Variants in MFHAS1 observed in about 807,000 individuals in gnomAD.
MFHAS1 encodes multifunctional ROCO family signaling regulator 1.
Under a neutral mutation model 70.4 loss-of-function variants are expected in MFHAS1, and 50 were observed. The ratio of observed to expected loss-of-function variants is 0.71; its 90% confidence interval spans 0.57 to 0.90. The LOEUF (loss-of-function observed/expected upper bound fraction) is 0.90, where lower values mean the gene tolerates loss of function less well. Among genes scored for constraint, MFHAS1 ranks in the 40% least tolerant of loss-of-function variants. The pLI is 0.00. For missense variants in MFHAS1, 1,795 were observed against 1,347.6 expected (o/e 1.33, Z -5.20); for synonymous variants, 952 against 620.0 (o/e 1.54, Z -7.96).
intron 1 of MFHAS1, among the ~76,000 whole-genome samples, chr8:8,842,080 T>C (rs1807848614): frequency 2.0e-5 from 3 of 152,198 alleles, no homozygotes; most frequent in Admixed American, 2.0e-4. Context: ...ATAATCATCT[T>C]AGTAACCGGA....
At chr8:8,865,986 G>C (rs189257214) in intron 1 of MFHAS1, among the ~76,000 whole-genome samples, 5 of 152,358 alleles carry the variant, frequency 3.3e-5, no homozygotes, top group Non-Finnish European at 7.3e-5. Flanking sequence ...CACGGAAAAA[G>C]TGCCAAAGCA....
Position 8,843,712 on chromosome 8 carries a change from C to A in MFHAS1, c.2999-46221G>T, listed in dbSNP as rs553879387. Among the ~76,000 whole-genome samples, 37 of 152,250 alleles carry A rather than the reference C, an allele frequency of 2.4e-4. No individual in the cohort carries two copies. The South Asian group carries it at 7.5e-3, about 31-fold the overall frequency. On this transcript the variant is annotated intron_variant, in intron 1 of 2. Coordinates refer to ENST00000276282, the MANE Select transcript of MFHAS1 (RefSeq NM_004225.3). The stretch of plus-strand genomic sequence containing the variant: ...GGAAGAAGCAGGTCAGAAGAGAGGG[C>A]AGAGGCTCATTTCTCCCCACACGTC...
intron 1 of MFHAS1, among the ~76,000 whole-genome samples, chr8:8,856,963 T>C (rs1436805093): frequency 1.8e-5 from 2 of 111,442 alleles, no homozygotes; most frequent in African/African-American, 3.5e-5. Context: ...AACCTGACAC[T>C]TTCACATCAG....
At chr8:8,848,203 T>G (rs1226408941) in intron 1 of MFHAS1, among the ~76,000 whole-genome samples, 1 of 152,186 alleles carries the variant, frequency 6.6e-6, no homozygotes, top group Admixed American at 6.5e-5. Context: ...ACCACAGGGT[T>G]TGCAGTTGCC....
intron 1 of MFHAS1, among the ~76,000 whole-genome samples, chr8:8,809,183 C>T (rs1563183373): frequency 6.6e-6 from 1 of 152,164 alleles, no homozygotes; most frequent in Admixed American, 6.5e-5. Context: ...AGGGCTCCCA[C>T]TGATTCCACA....
intron 1 of MFHAS1, among the ~76,000 whole-genome samples, chr8:8,863,250 C>T (rs987387809): frequency 1.3e-5 from 2 of 152,212 alleles, no homozygotes; most frequent in Non-Finnish European, 2.9e-5. Context: ...GCACTGAAAT[C>T]AGGCAGTGTA....
Position 8,890,947 on chromosome 8 carries a change from G to A in MFHAS1, c.2112C>T (p.Leu704=), listed in dbSNP as rs150651778. ...GCTTGCCGCTCTCATGCAGGTAGGA[G>A]AGGGCACTCTGCAGTCGGTCCTCGG... ...GLTEDRLQSA[L]SYLHESGKLL... is the part of the protein sequence containing the mutation. Residue 704 remains leucine (L), a synonymous_variant, in exon 1 of 3, where the codon CTC becomes CTT. Coordinates refer to ENST00000276282, the MANE Select transcript of MFHAS1 (RefSeq NM_004225.3). 6.2e-7 allele frequency: 1 copy of A among 1,613,964 alleles called. No individual in the cohort carries two copies. Among genetic ancestry groups the A allele is most frequent in the Non-Finnish European group, 8.5e-7 (1 of 1,180,048 alleles).
At chr8:8,862,227 G>C (rs919075455) in intron 1 of MFHAS1, among the ~76,000 whole-genome samples, 3 of 152,062 alleles carry the variant, frequency 2.0e-5, no homozygotes, top group Admixed American at 1.3e-4. Context: ...AGCCACTCTA[G>C]GGAACATGCA....
rs1220603806 is a variant in MFHAS1, at chr8:8,832,060, G to GCACACACA, written c.2999-34570_2999-34569insTGTGTGTG. Among the ~76,000 whole-genome samples the GCACACACA allele has an allele frequency of 4.4e-3, 651 of 148,786 alleles. 6 individuals are homozygous for GCACACACA. The highest frequency in any genetic ancestry group is 0.016 in the African/African-American group (635 of 39,668). ...AAGGCGCACATGCACGCGCGCGCGC[G>GCACACACA]CGCACACACACACACACACACACAC... On this transcript the variant is annotated intron_variant, in intron 1 of 2. Transcript: ENST00000276282.
chr8:8,886,193 T>G (rs188752699), intron 1 of MFHAS1, among the ~76,000 whole-genome samples: 1 of 152,290 alleles, frequency 6.6e-6, no homozygotes, highest in Admixed American at 6.5e-5. Flanking sequence ...ATTTCTTTTT[T>G]TTTTTTTAAG....
intron 1 of MFHAS1, among the ~76,000 whole-genome samples, chr8:8,869,375 G>A (rs1011686641): frequency 3.9e-5 from 6 of 152,074 alleles, no homozygotes; most frequent in South Asian, 2.1e-4. Context: ...TCCGGGGCAC[G>A]CTACATACAT....
chr8:8,814,637 C>G (rs1806670146), intron 1 of MFHAS1, among the ~76,000 whole-genome samples: 1 of 152,058 alleles, frequency 6.6e-6, no homozygotes, highest in African/African-American at 2.4e-5. Context: ...AAGTATGTAT[C>G]TGATAAAAGA....
intron 1 of MFHAS1, among the ~76,000 whole-genome samples, chr8:8,846,339 G>A (rs1418745861): frequency 1.8e-5 from 2 of 114,178 alleles, no homozygotes; most frequent in African/African-American, 6.8e-5. Flanking sequence ...GTAGGAGGGG[G>A]AGGAGGGGGA....
chr8:8,875,245 A>G (rs1290340347), intron 1 of MFHAS1, among the ~76,000 whole-genome samples: 1 of 152,220 alleles, frequency 6.6e-6, no homozygotes, highest in East Asian at 1.9e-4. Context: ...GAGTTTTTAT[A>G]AAGAAATACA....
intron 1 of MFHAS1, among the ~76,000 whole-genome samples, chr8:8,854,063 T>G: frequency 6.6e-6 from 1 of 152,214 alleles, no homozygotes; most frequent in East Asian, 1.9e-4. Flanking sequence ...AAAAATCCTT[T>G]GTAAGTCATG....
intron 2 of MFHAS1, among the ~76,000 whole-genome samples, chr8:8,794,282 A>ATGTC (rs1805818560): frequency 6.6e-6 from 1 of 152,120 alleles, no homozygotes; most frequent in African/African-American, 2.4e-5. Context: ...CGGACTTCCA[A>ATGTC]TGTCTAGTGC....
chr8:8,802,554 C>T (rs1250362586), intron 1 of MFHAS1, among the ~76,000 whole-genome samples: 1 of 152,206 alleles, frequency 6.6e-6, no homozygotes. Flanking sequence ...TGATCTTGGA[C>T]TTACCAACCT....
In MFHAS1 at chr8:8,892,966, C is replaced by T. The variant is rs778372666; in HGVS notation, c.93G>A (p.Gln31=). 113 of 1,543,404 alleles carry T rather than the reference C, an allele frequency of 7.3e-5. No homozygotes were observed. The Middle Eastern group carries it at 1.4e-3, about 19-fold the overall frequency. Residue 31 remains glutamine, a synonymous_variant, in exon 1 of 3, where the codon CAG becomes CAA. Transcript: ENST00000276282. The surrounding 1 kb of genome is among the most constrained non-coding windows in gnomAD (Gnocchi z 4.7). ...RARKLRSNLR[Q]LTLTAAGACP... ...AGGCCCCGGCGGCGGTAAGCGTGAG[C>T]TGGCGCAGGTTGCTCCGCAGCTTCC...
Position 8,814,741 on chromosome 8 carries a change from A to AGGTAAACCGAT in MFHAS1, c.2999-17261_2999-17251dup, listed in dbSNP as rs773201620. Among the ~76,000 whole-genome samples the AGGTAAACCGAT allele has an allele frequency of 7.9e-4, 120 of 152,330 alleles. 1 individual carries two copies. The highest frequency in any genetic ancestry group is 3.4e-3 in the Middle Eastern group (1 of 294). On this transcript the variant is annotated intron_variant, in intron 1 of 2. Coordinates refer to ENST00000276282, the MANE Select transcript of MFHAS1 (RefSeq NM_004225.3). ...GTAAAGTTCTAACAGGCACCAAAGA[A>AGGTAAACCGAT]GGTAAACCGATGGTAAATAGGAGCA...
Sources: allele counts gnomAD v4.1 joint callset (sites outside exome capture counted in the v4.1 genomes callset), GRCh38; gene constraint gnomAD v4.1.1; non-coding constraint Gnocchi (gnomAD v3.1); transcripts MANE v1.5; gene names NCBI Gene and HGNC (gene_info 2026-07-23, HGNC 2026-07-21).